CYYR1: variants seen among roughly 807,000 people sequenced by gnomAD.
CYYR1 encodes cysteine and tyrosine-rich protein 1.
A neutral mutation model predicts 15.2 loss-of-function variants in CYYR1; 14 were observed. The ratio of observed to expected loss-of-function variants is 0.92; its 90% CI spans 0.61 to 1.44. The LOEUF (loss-of-function observed/expected upper bound fraction) is 1.44. Among genes scored for constraint, CYYR1 ranks in the 40% most tolerant of loss-of-function variants. The pLI, the probability that CYYR1 is intolerant of heterozygous loss-of-function variation, is 0.00. For synonymous variants in CYYR1, 80 were observed against 77.4 expected (o/e 1.03, Z -0.18); for missense variants, 228 against 209.5 (o/e 1.09, Z -0.54).
rs770885517 is a variant in CYYR1, at chr21:26,545,567, CTTTTTTTTTT to C, written c.176+20689_176+20698del. ...CCTTCTGGTTAATAAGATGCTTATT[CTTTTTTTTTT>C]TTTTTTTTTTTTTTTTGAGACGGAG... On this transcript the variant is annotated intron_variant, in intron 2 of 3. Transcript: ENST00000652641. 9.5e-5 allele frequency among the ~76,000 whole-genome samples: 7 copies of C among 73,748 alleles called. No individual in the cohort carries two copies. In the South Asian group the frequency reaches 3.0e-3, roughly 32 times the overall value. The allele number at this position is 73,748 out of a possible 152,430, so 48.4% of individuals were successfully genotyped here.
chr21:26,548,535 T>G (rs532161397), intron 2 of CYYR1, among the ~76,000 whole-genome samples: 1 of 152,296 alleles, frequency 6.6e-6, no homozygotes, highest in African/African-American at 2.4e-5. Flanking sequence ...TTTATAGAGA[T>G]GAAGTCTTGC....
intron 2 of CYYR1, among the ~76,000 whole-genome samples, chr21:26,495,904 T>A (rs1300241225): frequency 6.6e-6 from 1 of 152,172 alleles, no homozygotes; most frequent in Non-Finnish European, 1.5e-5. Flanking sequence ...ACCACGTTAG[T>A]AGGCAGATGA....
intron 3 of CYYR1, chr21:26,478,059 C>T (rs1758509539): frequency 6.5e-7 from 1 of 1,548,584 alleles, no homozygotes; most frequent in Non-Finnish European, 8.7e-7. Context: ...CCATTATGTA[C>T]CAGGCCTGGT....
At chr21:26,561,520 T>C (rs892837777) in intron 2 of CYYR1, among the ~76,000 whole-genome samples, 1 of 152,224 alleles carries the variant, frequency 6.6e-6, no homozygotes, top group Non-Finnish European at 1.5e-5. Flanking sequence ...TTGTGATATT[T>C]ATTAGCTGTC....
chr21:26,571,298 A>C (rs1195601282), intron 1 of CYYR1, among the ~76,000 whole-genome samples: 1 of 152,278 alleles, frequency 6.6e-6, no homozygotes, highest in Non-Finnish European at 1.5e-5. Flanking sequence ...ATAGTAAGTC[A>C]ACTTAGCACT....
At chr21:26,493,897 T>C (rs2065360738) in intron 2 of CYYR1, among the ~76,000 whole-genome samples, 1 of 152,264 alleles carries the variant, frequency 6.6e-6, no homozygotes. Context: ...ACTTTCAGCA[T>C]AATGAGCATG....
At chr21:26,543,132 C>T (rs1978691670) in intron 2 of CYYR1, among the ~76,000 whole-genome samples, 1 of 152,086 alleles carries the variant, frequency 6.6e-6, no homozygotes, top group African/African-American at 2.4e-5. Context: ...AGGAGCTGAA[C>T]AAGGAGAACA....
At chr21:26,510,709 A>G (rs1457276589) in intron 2 of CYYR1, among the ~76,000 whole-genome samples, 6 of 152,212 alleles carry the variant, frequency 3.9e-5, no homozygotes, top group Non-Finnish European at 2.9e-5. Context: ...TAGATTTTAT[A>G]GATTTGAGTA....
At chr21:26,479,572 A>G (rs573779891) in intron 3 of CYYR1, among the ~76,000 whole-genome samples, 1 of 152,326 alleles carries the variant, frequency 6.6e-6, no homozygotes, top group African/African-American at 2.4e-5. Context: ...TTATGAAGTC[A>G]CATGTACTCA....
rs1396690463 is a variant in CYYR1, at chr21:26,573,060, C to G, written c.-120G>C. The G allele has an allele frequency of 6.4e-7, 1 of 1,571,630 alleles. No individual in the cohort carries two copies. The highest frequency in any genetic ancestry group is 8.6e-7 in the Non-Finnish European group (1 of 1,161,068). The stretch of plus-strand genomic sequence containing the variant: ...CCTGAGAGCCGGGTGGAGCAGAGAC[C>G]CGGCCATTGCCTAGGGAGCCTTCCA... On this transcript the variant is annotated 5_prime_UTR_variant, in exon 1 of 4. Coordinates refer to ENST00000652641, the MANE Select transcript of CYYR1 (RefSeq NM_001320768.2).
intron 2 of CYYR1, among the ~76,000 whole-genome samples, chr21:26,512,172 A>G (rs1487957408): frequency 6.6e-6 from 1 of 151,910 alleles, no homozygotes; most frequent in African/African-American, 2.4e-5. Flanking sequence ...ACAACTTAGG[A>G]GTATCGTTCA....
chr21:26,521,027 C>T lies in CYYR1; in HGVS notation c.177-40598G>A, dbSNP rs533771733. On this transcript the variant is annotated intron_variant, in intron 2 of 3. Coordinates refer to ENST00000652641, the MANE Select transcript of CYYR1 (RefSeq NM_001320768.2). ...GAGGGGAACAACACATACTGGGTCC[C>T]GTCAGGGGGTGCGGAGGGAGGGAGA... Among the ~76,000 whole-genome samples, 126 of 152,176 alleles carry T rather than the reference C, an allele frequency of 8.3e-4. 1 individual carries two copies. Among genetic ancestry groups the T allele is most frequent in the South Asian group, 1.5e-3 (7 of 4,818 alleles).
intron 2 of CYYR1, among the ~76,000 whole-genome samples, chr21:26,483,942 T>C (rs1203508563): frequency 2.6e-5 from 4 of 152,094 alleles, no homozygotes; most frequent in Non-Finnish European, 5.9e-5. Flanking sequence ...CCTGGACTTA[T>C]CTGTTGGGTA....
Position 26,527,193 on chromosome 21 carries a change from A to T in CYYR1, c.176+39073T>A, listed in dbSNP as rs1319848992. On this transcript the variant is annotated intron_variant, in intron 2 of 3. Transcript: ENST00000652641. ...TTGGAACAAATTAGAGCTACAGTAA[A>T]GGCCAGAAACACTGCCAGTTTCCCT... is the stretch of plus-strand genomic sequence containing the variant. 1.3e-5 allele frequency among the ~76,000 whole-genome samples: 2 copies of T among 152,210 alleles called. 1 individual carries two copies. Among genetic ancestry groups the T allele is most frequent in the South Asian group, 4.1e-4 (2 of 4,834 alleles).
At chr21:26,550,862 C>T (rs1366680001) in intron 2 of CYYR1, 2 of 152,232 alleles carry the variant, frequency 1.3e-5, no homozygotes, top group Admixed American at 6.5e-5. Flanking sequence ...CATTGATAAA[C>T]GTGGCTACAT....
At chr21:26,509,807 T>C (rs915046155) in intron 2 of CYYR1, among the ~76,000 whole-genome samples, 1 of 152,204 alleles carries the variant, frequency 6.6e-6, no homozygotes, top group Admixed American at 6.5e-5. Context: ...TTCCTGCTCA[T>C]AGCCTATTGG....
At chr21:26,565,814 T>G (rs926623909) in intron 2 of CYYR1, among the ~76,000 whole-genome samples, 2 of 152,250 alleles carry the variant, frequency 1.3e-5, no homozygotes, top group African/African-American at 4.8e-5. Flanking sequence ...ATGTCTCAAC[T>G]GTTTTTTATT....
chr21:26,502,491 A>G lies in CYYR1; in HGVS notation c.177-22062T>C, dbSNP rs79647072. ...GAATAAGTCACTTATGAAGTTAAAT[A>G]AATTTAAAGAAAATTAGGGTAGTTG... is the stretch of plus-strand genomic sequence containing the variant. On this transcript the variant is annotated intron_variant, in intron 2 of 3. Transcript: ENST00000652641. Among the ~76,000 whole-genome samples the G allele has an allele frequency of 7.7e-4, 117 of 152,290 alleles. No individual in the cohort carries two copies. In the East Asian group the frequency reaches 0.02, roughly 26 times the overall value.
At chr21:26,476,061 C>G (rs2065099592) in intron 3 of CYYR1, among the ~76,000 whole-genome samples, 1 of 152,144 alleles carries the variant, frequency 6.6e-6, no homozygotes, top group African/African-American at 2.4e-5. Flanking sequence ...GAAGTCTTCT[C>G]ATGTCAGTGC....
Sources: gnomAD v4.1 joint callset for allele counts (sites outside exome capture counted in the v4.1 genomes callset) on GRCh38, gnomAD v4.1.1 for gene constraint, MANE v1.5 for transcripts, NCBI Gene and HGNC (gene_info 2026-07-23, HGNC 2026-07-21) for gene names.